The following RILPL2 variants were observed in gnomAD, a reference collection of about 807,000 sequenced individuals.
The protein encoded by RILPL2 is RILP-like protein 2.
A neutral mutation model predicts 22.2 loss-of-function variants in RILPL2; 19 were observed. The observed-to-expected ratio is 0.86, with a 90% CI of 0.60 to 1.25. The LOEUF (loss-of-function observed/expected upper bound fraction) is 1.25, where lower values mean the gene tolerates loss of function less well. Ranked by LOEUF, RILPL2 falls within the 50% of genes most tolerant of loss-of-function variation. The probability of loss-of-function intolerance (pLI) is 0.00; values close to 1 mark genes in which losing one functional copy is unlikely to be tolerated. For synonymous variants in RILPL2, 123 were observed against 111.6 expected, an observed-to-expected ratio of 1.10 and a Z score of -0.64; for missense variants, 243 against 263.6, an observed-to-expected ratio of 0.92 and a Z score of 0.54.
intron 2 of RILPL2, among the ~76,000 whole-genome samples, chr12:123,430,136 T>A (rs1233685097): frequency 3.2e-5 from 4 of 123,290 alleles, no homozygotes; most frequent in Admixed American, 1.9e-4. Flanking sequence ...AAAGCCAGGC[T>A]TGGTGGCTCA....
intron 2 of RILPL2, among the ~76,000 whole-genome samples, chr12:123,429,925 G>A (rs1352266786): frequency 2.6e-5 from 4 of 151,234 alleles, no homozygotes; most frequent in Non-Finnish European, 5.9e-5. Flanking sequence ...ACACTAACCT[G>A]GGCAACATGG....
chr12:123,434,585 G>A (rs938189750), intron 1 of RILPL2, among the ~76,000 whole-genome samples: 34 of 151,728 alleles, frequency 2.2e-4, no homozygotes, highest in Non-Finnish European at 4.3e-4. Context: ...CACCACGCCC[G>A]GCTAATTTTT....
chr12:123,418,337 G>T (rs1312060684), intron 3 of RILPL2, among the ~76,000 whole-genome samples: 3 of 151,850 alleles, frequency 2.0e-5, no homozygotes, highest in African/African-American at 7.3e-5. Flanking sequence ...ATTTTCTTGT[G>T]TTTTTTTTCC....
chr12:123,435,987 GAA>G, intron 1 of RILPL2, 93 bp downstream of exon 1: 1 of 1,424,218 alleles, frequency 7.0e-7, no homozygotes, highest in African/African-American at 1.4e-5. Flanking sequence ...AGAGAAAAGA[GAA>G]GAGAAAAGAA....
chr12:123,422,932 G>T, intron 3 of RILPL2, 112 bp downstream of exon 3: 1 of 720,598 alleles, frequency 1.4e-6, no homozygotes, highest in Non-Finnish European at 2.5e-6. Flanking sequence ...CACCACAACC[G>T]GGAGAGTAGA....
downstream of RILPL2, chr12:123,411,831 A>G (rs1878984973): frequency 6.6e-6 from 1 of 151,888 alleles, no homozygotes; most frequent in African/African-American, 2.4e-5. Flanking sequence ...GCGAAAACCT[A>G]CTTCTGAGCC....
chr12:123,432,655 G>A (rs1435134122), intron 1 of RILPL2, among the ~76,000 whole-genome samples: 1 of 152,208 alleles, frequency 6.6e-6, no homozygotes, highest in African/African-American at 2.4e-5. Flanking sequence ...GCCGCCTGAT[G>A]AAACTTGTCC....
intron 3 of RILPL2, among the ~76,000 whole-genome samples, chr12:123,420,542 T>C (rs553880147): frequency 7.9e-5 from 12 of 152,028 alleles, no homozygotes; most frequent in East Asian, 1.9e-4. Context: ...GCTCAGGCGA[T>C]TCTCCTGCCT....
At position 123,436,587 on chromosome 12, in the gene RILPL2, C is replaced by T; in HGVS notation, c.-167G>A. 1 of 1,133,958 alleles carries T rather than the reference C, an allele frequency of 8.8e-7. No homozygotes were observed. Among genetic ancestry groups the T allele is most frequent in the Non-Finnish European group, 1.2e-6 (1 of 826,206 alleles). 70.2% of individuals were successfully genotyped at this position (1,133,958 alleles called of 1,614,324 possible). A position where few individuals can be genotyped will look rare whatever the true frequency, so the allele number is the denominator to read the frequency against. On this transcript the variant is annotated 5_prime_UTR_variant, in exon 1 of 4. Transcript: ENST00000280571. This position sits in a 1 kb window ranked among gnomAD's most constrained non-coding sequence, Gnocchi z 6.7. ...ATGGTGCAAGGGGCCGCGCACGCGA[C>T]TCTTGGGCCTGCGCCCCGGCGCACC...
chr12:123,436,549 TG>T lies in RILPL2; in HGVS notation c.-130del. The stretch of plus-strand genomic sequence containing the variant: ...CTGCCCAATCAGCGCGGCCCGGGGG[TG>T]GGCCCGGGGGGATGGTGCAAGGGGC... On this transcript the variant is annotated 5_prime_UTR_variant, in exon 1 of 4. Transcript: ENST00000280571. The surrounding 1 kb of genome is among the most constrained non-coding windows in gnomAD (Gnocchi z 6.7). 7.1e-7 allele frequency: 1 copy of T among 1,415,970 alleles called. No homozygotes were observed. The highest frequency in any genetic ancestry group is 9.3e-7 in the Non-Finnish European group (1 of 1,075,846). 87.7% of individuals were successfully genotyped at this position (1,415,970 alleles called of 1,614,324 possible). A position where few individuals can be genotyped will look rare whatever the true frequency, so the allele number is the denominator to read the frequency against.
At chr12:123,422,345 ATC>A (rs1879310136) in intron 3 of RILPL2, among the ~76,000 whole-genome samples, 1 of 151,906 alleles carries the variant, frequency 6.6e-6, no homozygotes, top group Non-Finnish European at 1.5e-5. Context: ...GTGAAACCCC[ATC>A]TCTACCAAAA....
chr12:123,436,650 G>T lies in RILPL2; in HGVS notation c.-230C>A. ...AGCCACGCTGGAGAGTGCGCTCCAG[G>T]ATGTGGTTTGGGGCGCGAAGGGACA... On this transcript the variant is annotated 5_prime_UTR_variant, in exon 1 of 4. Transcript: ENST00000280571. This position sits in a 1 kb window ranked among gnomAD's most constrained non-coding sequence, Gnocchi z 6.7. The T allele has an allele frequency of 1.5e-6, 1 of 683,796 alleles. No homozygotes were observed. Among genetic ancestry groups the T allele is most frequent in the Non-Finnish European group, 2.4e-6 (1 of 420,018 alleles). 42.4% of individuals were successfully genotyped at this position (683,796 alleles called of 1,614,324 possible).
At position 123,430,679 on chromosome 12, in the gene RILPL2, C is replaced by T; in HGVS notation, c.340-20G>A. 4 of 1,552,534 alleles carry T rather than the reference C, an allele frequency of 2.6e-6. No homozygotes were observed. The highest frequency in any genetic ancestry group is 2.6e-6 in the Non-Finnish European group (3 of 1,147,050). ...GTTCACCTGGAAGAAAAGACGCAAC[C>T]TTTGCAAGCAACTCTATATAATTAA... On this transcript the variant is annotated intron_variant, in intron 1 of 3. Transcript: ENST00000280571.
At chr12:123,432,498 C>T (rs542728062) in intron 1 of RILPL2, among the ~76,000 whole-genome samples, 1 of 152,150 alleles carries the variant, frequency 6.6e-6, no homozygotes, top group African/African-American at 2.4e-5. Context: ...AAAGTGAGAC[C>T]CTGTCTCAAA....
At chr12:123,434,497 C>T (rs1276401839) in intron 1 of RILPL2, among the ~76,000 whole-genome samples, 1 of 151,690 alleles carries the variant, frequency 6.6e-6, no homozygotes, top group Non-Finnish European at 1.5e-5. Context: ...GATCTCGGCT[C>T]ACTGCAACCT....
intron 2 of RILPL2, among the ~76,000 whole-genome samples, chr12:123,423,504 A>G (rs1015860751): frequency 6.0e-5 from 9 of 151,006 alleles, no homozygotes; most frequent in African/African-American, 1.7e-4. Context: ...CCTGGCTTTT[A>G]TTACAGACCT....
At chr12:123,424,536 G>C (rs1402675551) in intron 2 of RILPL2, among the ~76,000 whole-genome samples, 1 of 152,050 alleles carries the variant, frequency 6.6e-6, no homozygotes, top group Non-Finnish European at 1.5e-5. Context: ...TCTCCATGTT[G>C]GTCAGGCTGG....
chr12:123,434,913 G>C (rs1042727763), intron 1 of RILPL2, among the ~76,000 whole-genome samples: 1 of 150,326 alleles, frequency 6.7e-6, no homozygotes, highest in African/African-American at 2.4e-5. Flanking sequence ...TGTGGCTCAG[G>C]CCTGTAATCC....
At chr12:123,426,851 CT>C (rs1346395623) in intron 2 of RILPL2, among the ~76,000 whole-genome samples, 3 of 151,794 alleles carry the variant, frequency 2.0e-5, no homozygotes, top group African/African-American at 7.3e-5. Flanking sequence ...ATCTGCCCAC[CT>C]CGGCCTCCCA....
Sources: allele counts gnomAD v4.1 joint callset (sites outside exome capture counted in the v4.1 genomes callset), GRCh38; gene constraint gnomAD v4.1.1; non-coding constraint Gnocchi (gnomAD v3.1); transcripts MANE v1.5; gene names NCBI Gene and HGNC (gene_info 2026-07-23, HGNC 2026-07-21).